The following GPC3 variants were observed in gnomAD, a reference collection of about 807,000 sequenced individuals.
GPC3 encodes the protein glypican-3.
A neutral mutation model predicts 34.4 loss-of-function variants in GPC3; 3 were observed. The ratio of observed to expected loss-of-function variants is 0.09; its 90% CI spans 0.04 to 0.23. GPC3 has a LOEUF of 0.23. Ranked by LOEUF, GPC3 falls within the 10% of genes least tolerant of loss-of-function variation. The pLI is 1.00. For missense variants in GPC3, 351 were observed against 445.6 expected (o/e 0.79, Z 1.91); for synonymous variants, 177 against 174.0 (o/e 1.02, Z -0.13).
intron 5 of GPC3, among the ~76,000 whole-genome samples, chrX:133,689,194 T>C (rs2124427928): frequency 9.0e-6 from 1 of 111,416 alleles, no homozygotes; most frequent in African/African-American, 3.3e-5. Context: ...AAAGTCGTTT[T>C]GAAAATAAAG....
At chrX:133,816,362 G>A (rs966681019) in intron 2 of GPC3, among the ~76,000 whole-genome samples, 4 of 111,985 alleles carry the variant, frequency 3.6e-5, no homozygotes, top group Admixed American at 9.5e-5. Context: ...ACCTAATATT[G>A]CTCTTTTTTT....
rs200180499 is a variant in GPC3 at position 133,824,970 on chromosome X, G to A, written c.338-70794C>T. Among the ~76,000 whole-genome samples the A allele has an allele frequency of 3.6e-5, 4 of 111,733 alleles. No individual in the cohort carries two copies. The East Asian group carries it at 8.5e-4, about 24-fold the overall frequency. Reference sequence around the variant, plus strand: ...TCCCAGGTTAAAGCAATTCTCCTGCGTCAGCCTCCCAAGTAGCTGGGACTT... The same window carrying A: ...TCCCAGGTTAAAGCAATTCTCCTGCATCAGCCTCCCAAGTAGCTGGGACTT... On this transcript the variant is annotated intron_variant, in intron 2 of 7. Coordinates refer to ENST00000370818, the MANE Select transcript of GPC3 (RefSeq NM_004484.4).
At chrX:133,911,102 A>G (rs2076196934) in intron 2 of GPC3, among the ~76,000 whole-genome samples, 1 of 112,553 alleles carries the variant, frequency 8.9e-6, no homozygotes, top group African/African-American at 3.2e-5. Context: ...TTTTAGCATA[A>G]AGCTTTCCTT....
chrX:133,620,030 C>G (rs1284252955), intron 6 of GPC3, among the ~76,000 whole-genome samples: 1 of 108,850 alleles, frequency 9.2e-6, no homozygotes, highest in Non-Finnish European at 1.9e-5. Context: ...ACCATCCTGG[C>G]TAACACGGTG....
intron 2 of GPC3, among the ~76,000 whole-genome samples, chrX:133,793,340 G>T (rs1446863622): frequency 8.9e-6 from 1 of 111,836 alleles, no homozygotes; most frequent in Non-Finnish European, 1.9e-5. Flanking sequence ...CATATAATTT[G>T]TATTAAGAAA....
chrX:133,793,946 G>A (rs1264773644), intron 2 of GPC3, among the ~76,000 whole-genome samples: 1 of 111,599 alleles, frequency 9.0e-6, no homozygotes, highest in East Asian at 2.8e-4. Context: ...CCCCCTGATA[G>A]TGCCGGCAAA....
chrX:133,716,663 G>A (rs917819173), intron 3 of GPC3, among the ~76,000 whole-genome samples: 1 of 111,657 alleles, frequency 9.0e-6, no homozygotes, highest in East Asian at 2.8e-4. Context: ...AGGAAAATGA[G>A]TAGCACCTCA....
rs574848067 is a variant in GPC3, at chrX:133,925,356, G to A, written c.337+27694C>T. Among the ~76,000 whole-genome samples the A allele has an allele frequency of 3.6e-5, 4 of 110,931 alleles. No individual in the cohort carries two copies. In the Admixed American group the frequency reaches 3.9e-4, roughly 11 times the overall value. The stretch of plus-strand genomic sequence containing the variant: ...AGTAATGTCCAAGAGAGACTGCTCT[G>A]GACTGCAAAGAACACCACTGGCTGG... On this transcript the variant is annotated intron_variant, in intron 2 of 7. Transcript: ENST00000370818.
At position 133,894,531 on chromosome X, in the gene GPC3, C is replaced by A. The variant is rs754442327; in HGVS notation, c.337+58519G>T. ...GCTGTTAATGAGCAGTTTGGTGTGA[C>A]TGAAAATGCACAGAAACACCTGAAG... is the stretch of plus-strand genomic sequence containing the variant. On this transcript the variant is annotated intron_variant, in intron 2 of 7. Transcript: ENST00000370818. 4.5e-5 allele frequency among the ~76,000 whole-genome samples: 5 copies of A among 111,950 alleles called. No homozygotes were observed. The South Asian group carries it at 1.9e-3, about 42-fold the overall frequency.
intron 2 of GPC3, among the ~76,000 whole-genome samples, chrX:133,882,441 G>A (rs1002197295): frequency 4.5e-5 from 5 of 111,545 alleles, no homozygotes; most frequent in Non-Finnish European, 7.5e-5. Flanking sequence ...AGAAATAACC[G>A]TTTAGATGTA....
chrX:133,813,448 A>G (rs920220054), intron 2 of GPC3, among the ~76,000 whole-genome samples: 6 of 112,800 alleles, frequency 5.3e-5, no homozygotes, highest in African/African-American at 1.9e-4. Flanking sequence ...TGGGGGAAGT[A>G]TTATTGGTGG....
At chrX:133,939,158 C>T (rs773537862) in intron 2 of GPC3, among the ~76,000 whole-genome samples, 10 of 111,631 alleles carry the variant, frequency 9.0e-5, no homozygotes, top group Non-Finnish European at 1.7e-4. Flanking sequence ...TCCAGACCAG[C>T]TACTGGCTCC....
chrX:133,616,697 ATTTTT>A (rs765661060), intron 6 of GPC3, among the ~76,000 whole-genome samples: 2 of 95,276 alleles, frequency 2.1e-5, no homozygotes, highest in African/African-American at 7.7e-5. Flanking sequence ...ACAGAAATTG[ATTTTT>A]TTTTTTTTTT....
intron 6 of GPC3, among the ~76,000 whole-genome samples, chrX:133,615,781 CA>C (rs759260549): frequency 0.016 from 1,619 of 99,209 alleles, 29 homozygotes; most frequent in African/African-American, 0.055. Context: ...AAATGCAATC[CA>C]AAAAAAAAAG....
At chrX:133,796,041 G>T (rs2075578653) in intron 2 of GPC3, among the ~76,000 whole-genome samples, 1 of 106,012 alleles carries the variant, frequency 9.4e-6, no homozygotes, top group Non-Finnish European at 1.9e-5. Flanking sequence ...CGCCTCCCGG[G>T]TTCACGCCAT....
intron 2 of GPC3, among the ~76,000 whole-genome samples, chrX:133,812,213 C>T (rs1391098535): frequency 8.9e-6 from 1 of 112,028 alleles, no homozygotes; most frequent in Non-Finnish European, 1.9e-5. Flanking sequence ...AGGACTTCAT[C>T]ATATAAAAAT....
chrX:133,802,914 CTTTTTTT>C (rs751359373), intron 2 of GPC3, among the ~76,000 whole-genome samples: 1 of 68,551 alleles, frequency 1.5e-5, no homozygotes, highest in Non-Finnish European at 2.7e-5. Context: ...GGAAGGTATT[CTTTTTTT>C]TTTTTTTTTT....
chrX:133,852,833 C>T (rs1299247229), intron 2 of GPC3, among the ~76,000 whole-genome samples: 2 of 110,302 alleles, frequency 1.8e-5, no homozygotes, highest in African/African-American at 6.6e-5. Flanking sequence ...CCTATAACTT[C>T]TACTTGACCC....
At chrX:133,563,214 T>C (rs1337475993) in intron 7 of GPC3, among the ~76,000 whole-genome samples, 2 of 111,469 alleles carry the variant, frequency 1.8e-5, no homozygotes, top group Non-Finnish European at 3.8e-5. Flanking sequence ...ATGCTATGAA[T>C]TGAATACAAA....
Sources: gnomAD v4.1 joint callset for allele counts (sites outside exome capture counted in the v4.1 genomes callset) on GRCh38, gnomAD v4.1.1 for gene constraint, MANE v1.5 for transcripts, NCBI Gene and HGNC (gene_info 2026-07-23, HGNC 2026-07-21) for gene names.